The following TMC2 variants were observed in gnomAD, a reference collection of about 807,000 sequenced individuals.
TMC2 encodes the protein transmembrane channel-like protein 2.
In TMC2, 102 loss-of-function variants were observed where a neutral mutation model predicts 105.9. The ratio of observed to expected loss-of-function variants is 0.96; its 90% CI spans 0.82 to 1.14. TMC2 has a LOEUF of 1.14. Ranked by LOEUF, TMC2 falls within the 50% of genes most tolerant of loss-of-function variation. The pLI, the probability that TMC2 is intolerant of heterozygous loss-of-function variation, is 0.00. For synonymous variants in TMC2, 402 were observed against 422.8 expected, an observed-to-expected ratio of 0.95 and a Z score of 0.60; for missense variants, 1,093 against 1,134.3, an observed-to-expected ratio of 0.96 and a Z score of 0.52.
intron 2 of TMC2, among the ~76,000 whole-genome samples, chr20:2,556,981 GT>G (rs1326250273): frequency 2.6e-5 from 4 of 151,744 alleles, no homozygotes; most frequent in African/African-American, 9.7e-5. Flanking sequence ...GGTAAGGTGA[GT>G]TTTTTCCTCC....
chr20:2,546,037 T>A (rs1600095068), intron 2 of TMC2, among the ~76,000 whole-genome samples: 1 of 152,246 alleles, frequency 6.6e-6, no homozygotes, highest in East Asian at 1.9e-4. Context: ...AATCCGCTTA[T>A]AATTCTGTCA....
Position 2,635,950 on chromosome 20 carries a change from A to T in TMC2, c.2331A>T (p.Ser777=), listed in dbSNP as rs759283423. 3 of 1,614,148 alleles carry T rather than the reference A, an allele frequency of 1.9e-6. No individual in the cohort carries two copies. The highest frequency in any genetic ancestry group is 3.3e-5 in the Admixed American group (2 of 60,026). The change falls in exon 18 of 20, where the codon TCA becomes TCT. Residue 777 remains serine, a synonymous_variant. Coordinates refer to ENST00000358864, the MANE Select transcript of TMC2 (RefSeq NM_080751.3). ...GCTTGGCCATTTACTACCTGAACTC[A>T]GTTTCCAAAAGCCTTTCCCGAGCTA... ...LMFLAIYYLN[S]VSKSLSRANA...
At chr20:2,586,772 A>G (rs557703563) in intron 7 of TMC2, among the ~76,000 whole-genome samples, 1 of 150,470 alleles carries the variant, frequency 6.6e-6, no homozygotes, top group Admixed American at 6.6e-5. Context: ...TTTCAACATG[A>G]GAGTTGGAAG....
intron 17 of TMC2, 41 bp downstream of exon 17, chr20:2,624,437 TCTC>T: frequency 6.3e-7 from 1 of 1,587,608 alleles, no homozygotes. Flanking sequence ...CACGGAAACT[TCTC>T]CTTGAATTTG....
At chr20:2,550,541 T>C (rs1006762506) in intron 2 of TMC2, among the ~76,000 whole-genome samples, 2 of 152,160 alleles carry the variant, frequency 1.3e-5, no homozygotes, top group Non-Finnish European at 2.9e-5. Context: ...ATAGATTCCA[T>C]AGGTTTTGAC....
At chr20:2,606,355 G>C (rs2086391763) in intron 11 of TMC2, among the ~76,000 whole-genome samples, 1 of 152,160 alleles carries the variant, frequency 6.6e-6, no homozygotes, top group Admixed American at 6.5e-5. Flanking sequence ...CACCTCCTGG[G>C]TTCAAACAAT....
At position 2,610,419 on chromosome 20, in the gene TMC2, G is replaced by A. The variant is rs2086426944; in HGVS notation, c.1414G>A (p.Val472Ile). Reference sequence around the variant, plus strand: ...AACGTAGGCTTTCCTGATTCCTCAGGTAGAGATCGTGATGTCCCTGCTTGG... The same window carrying A: ...AACGTAGGCTTTCCTGATTCCTCAGATAGAGATCGTGATGTCCCTGCTTGG... ...QNVSWYERNE[V>I]EIVMSLLGMF... Residue 472 changes from valine to isoleucine, a missense_variant and splice_region_variant, in exon 12 of 20, where the codon GTA becomes ATA. Coordinates refer to ENST00000358864, the MANE Select transcript of TMC2 (RefSeq NM_080751.3). 2.5e-6 allele frequency: 4 copies of A among 1,610,412 alleles called. No individual in the cohort carries two copies. In the South Asian group the frequency reaches 3.3e-5, roughly 13 times the overall value.
chr20:2,632,699 C>G (rs1420266323), intron 17 of TMC2, among the ~76,000 whole-genome samples: 1 of 152,134 alleles, frequency 6.6e-6, no homozygotes, highest in African/African-American at 2.4e-5. Flanking sequence ...AAGCAATTCT[C>G]CTGCCCCAGC....
chr20:2,588,691 T>TTGTGTGTGTGTGTG (rs57035040), intron 7 of TMC2, among the ~76,000 whole-genome samples: 2,030 of 143,552 alleles, frequency 0.014, 40 homozygotes, highest in African/African-American at 0.037. Flanking sequence ...GCATGTGTCT[T>TTGTGTGTGTGTGTG]TGTGTGTGTG....
chr20:2,620,182 A>C (rs1394441217), intron 16 of TMC2, among the ~76,000 whole-genome samples: 1 of 152,244 alleles, frequency 6.6e-6, no homozygotes, highest in African/African-American at 2.4e-5. Context: ...TGGTTTCTTC[A>C]TGCTGCTTAT....
chr20:2,545,712 G>A (rs1426765049), intron 2 of TMC2, among the ~76,000 whole-genome samples: 1 of 134,004 alleles, frequency 7.5e-6, no homozygotes, highest in Non-Finnish European at 1.7e-5. Flanking sequence ...AAAGAAGAAG[G>A]AAGAAGAAGA....
intron 2 of TMC2, among the ~76,000 whole-genome samples, chr20:2,541,968 T>C (rs1275064868): frequency 6.6e-6 from 1 of 152,202 alleles, no homozygotes; most frequent in Admixed American, 6.5e-5. Context: ...ACGGTCTTTG[T>C]GTCCTCCCCC....
At chr20:2,606,632 G>C (rs1391021948) in intron 11 of TMC2, among the ~76,000 whole-genome samples, 1 of 152,006 alleles carries the variant, frequency 6.6e-6, no homozygotes, top group Non-Finnish European at 1.5e-5. Flanking sequence ...TGAATTATAG[G>C]TTTTTTTAAT....
chr20:2,595,708 C>T (rs2086300631), intron 9 of TMC2, among the ~76,000 whole-genome samples: 1 of 152,040 alleles, frequency 6.6e-6, no homozygotes, highest in Non-Finnish European at 1.5e-5. Flanking sequence ...ACAAACCTAT[C>T]CACCTGGGCC....
intron 2 of TMC2, among the ~76,000 whole-genome samples, chr20:2,542,271 A>G (rs1433220843): frequency 2.0e-5 from 3 of 152,178 alleles, no homozygotes; most frequent in Non-Finnish European, 4.4e-5. Context: ...TTAAAGGGTG[A>G]TAGAGTGTGG....
intron 11 of TMC2, among the ~76,000 whole-genome samples, chr20:2,602,709 G>C (rs1178018101): frequency 1.3e-5 from 2 of 152,204 alleles, no homozygotes; most frequent in Non-Finnish European, 2.9e-5. Flanking sequence ...TTTACACTAT[G>C]TCTTAATATC....
Position 2,612,237 on chromosome 20 carries a change from T to G in TMC2, c.1640T>G (p.Phe547Cys), listed in dbSNP as rs2086445708. 6.2e-7 allele frequency: 1 copy of G among 1,612,336 alleles called. No homozygotes were observed. Among genetic ancestry groups the G allele is most frequent in the Non-Finnish European group, 8.5e-7 (1 of 1,179,126 alleles). Residue 547 changes from phenylalanine (F) to cysteine (C), a missense_variant, in exon 13 of 20, where the codon TTT becomes TGT. Phe to Cys is a radical substitution (Grantham distance 205, BLOSUM62 -2). Transcript: ENST00000358864. Reference sequence around the variant, plus strand: ...AAGAACATCACTCACTGGACTCTGTTTAACTATTACAACTCTTCTGGTTGG... The same window carrying G: ...AAGAACATCACTCACTGGACTCTGTGTAACTATTACAACTCTTCTGGTTGG... ...TIKNITHWTL[F>C]NYYNSSGWNE...
In TMC2 at chr20:2,636,409, G is replaced by T. The variant is rs1160047331; in HGVS notation, c.2385+405G>T. ...GATCTCCTGAGTCCCCTTCACACATGGGAAGCCTCTCTCAACATCCCAGCT... is the reference window on the plus strand; with the variant it reads ...GATCTCCTGAGTCCCCTTCACACATTGGAAGCCTCTCTCAACATCCCAGCT... On this transcript the variant is annotated intron_variant, in intron 18 of 19. Coordinates refer to ENST00000358864, the MANE Select transcript of TMC2 (RefSeq NM_080751.3). Among the ~76,000 whole-genome samples the T allele has an allele frequency of 4.0e-5, 6 of 151,004 alleles. No homozygotes were observed. The East Asian group carries it at 1.2e-3, about 30-fold the overall frequency.
At chr20:2,605,983 C>T (rs2086388562) in intron 11 of TMC2, among the ~76,000 whole-genome samples, 1 of 152,150 alleles carries the variant, frequency 6.6e-6, no homozygotes, top group Non-Finnish European at 1.5e-5. Context: ...TGGTAGTGTA[C>T]CAGGTACCTG....
Sources: allele counts gnomAD v4.1 joint callset (sites outside exome capture counted in the v4.1 genomes callset), GRCh38; gene constraint gnomAD v4.1.1; transcripts MANE v1.5; gene names NCBI Gene and HGNC (gene_info 2026-07-23, HGNC 2026-07-21).